Variants in VPS13B observed in about 807,000 individuals in gnomAD.
The protein encoded by VPS13B is vacuolar protein sorting 13 homolog B.
VPS13B carries 285 observed loss-of-function variants against 426.4 expected under a neutral mutation model. That is an observed-to-expected ratio of 0.67 (90% CI 0.61 to 0.74). The LOEUF is 0.74. VPS13B is among the 30% of genes least tolerant of loss of function. VPS13B has a pLI of 0.00. For synonymous variants in VPS13B, 1,676 were observed against 1,676.4 expected (o/e 1.00, Z 0.01); for missense variants, 4,537 against 4,782.6 (o/e 0.95, Z 1.51).
At chr8:99,676,791 AT>A (rs1464907715) in intron 35 of VPS13B, among the ~76,000 whole-genome samples, 1 of 152,028 alleles carries the variant, frequency 6.6e-6, no homozygotes, top group African/African-American at 2.4e-5. Context: ...TCATAATATG[AT>A]TTTTAAATGC....
At chr8:99,374,358 T>C (rs543684063) in intron 19 of VPS13B, among the ~76,000 whole-genome samples, 1 of 152,172 alleles carries the variant, frequency 6.6e-6, no homozygotes, top group African/African-American at 2.4e-5. Context: ...AAATCTAATA[T>C]TTTCATTTCA....
rs148385544 is a variant in VPS13B at position 99,659,712 on chromosome 8, T to A, written c.5909-1642T>A. On this transcript the variant is annotated intron_variant, in intron 34 of 61. Transcript: ENST00000357162. ...TTACTTGTCAGTTTTTTATACATCA[T>A]ATTAACATTTCTACATCAATTTAAT... 4.4e-3 allele frequency among the ~76,000 whole-genome samples: 666 copies of A among 152,340 alleles called. 2 individuals carry two copies. Among genetic ancestry groups the A allele is most frequent in the Non-Finnish European group, 6.2e-3 (425 of 68,010 alleles).
chr8:99,677,740 AT>A (rs113491438), intron 35 of VPS13B, among the ~76,000 whole-genome samples: 5 of 151,762 alleles, frequency 3.3e-5, no homozygotes, highest in African/African-American at 7.3e-5. Context: ...AGTCATTTAG[AT>A]TTTTTTTTAT....
chr8:99,838,185 A>C (rs187680889), intron 54 of VPS13B, among the ~76,000 whole-genome samples: 2 of 152,330 alleles, frequency 1.3e-5, no homozygotes, highest in Admixed American at 1.3e-4. Context: ...CCTAGTCAGG[A>C]GACATCTCAT....
chr8:99,467,639 G>T lies in VPS13B; in HGVS notation c.3666+5G>T. On this transcript the variant is annotated splice_donor_5th_base_variant and intron_variant, in intron 24 of 61. Transcript: ENST00000357162. ...ATAAAATGCTCTAATCCCCAGGTTG[G>T]TACATTTGATTTATGAAAGGAAATT... 1 of 1,606,950 alleles carries T rather than the reference G, an allele frequency of 6.2e-7. No homozygotes were observed. Among genetic ancestry groups the T allele is most frequent in the Non-Finnish European group, 8.5e-7 (1 of 1,179,066 alleles).
At chr8:99,119,305 A>T (rs956865544) in intron 7 of VPS13B, 1 of 152,272 alleles carries the variant, frequency 6.6e-6, no homozygotes, top group Non-Finnish European at 1.5e-5. Context: ...TGATGGCATG[A>T]TCATAGCTCA....
At chr8:99,816,958 C>T (rs1228575301) in intron 44 of VPS13B, among the ~76,000 whole-genome samples, 1 of 151,866 alleles carries the variant, frequency 6.6e-6, no homozygotes, top group Non-Finnish European at 1.5e-5. Flanking sequence ...ATCACAATTG[C>T]CCTCTCAGTT....
At chr8:99,697,349 C>A in intron 35 of VPS13B, 1 of 584,088 alleles carries the variant, frequency 1.7e-6, no homozygotes, top group Non-Finnish European at 3.1e-6. Context: ...GGCCAGGGGC[C>A]TAACCTCAGC....
intron 1 of VPS13B, among the ~76,000 whole-genome samples, 160 bp from the exon 2 acceptor site, chr8:99,013,600 A>G (rs1841435966): frequency 6.6e-6 from 1 of 152,164 alleles, no homozygotes; most frequent in African/African-American, 2.4e-5. Context: ...CTTGTGAGGA[A>G]GTCGCAGCTG....
At chr8:99,396,879 C>T (rs1588329646) in intron 21 of VPS13B, among the ~76,000 whole-genome samples, 1 of 151,658 alleles carries the variant, frequency 6.6e-6, no homozygotes, top group East Asian at 1.9e-4. Flanking sequence ...TTGATATATC[C>T]TTAAATATAT....
At chr8:99,475,068 T>G (rs1819620813) in intron 24 of VPS13B, among the ~76,000 whole-genome samples, 1 of 152,200 alleles carries the variant, frequency 6.6e-6, no homozygotes, top group South Asian at 2.1e-4. Flanking sequence ...GAAATCATTA[T>G]GCTGACTGAA....
chr8:99,868,066 T>C, intron 58 of VPS13B: 1 of 534,846 alleles, frequency 1.9e-6, no homozygotes, highest in Non-Finnish European at 3.3e-6. Context: ...AGATCCTGAC[T>C]GTGTGGACCA....
rs150719305 is a variant in VPS13B at position 99,714,033 on chromosome 8, G to A, written c.6455-3138G>A. On this transcript the variant is annotated intron_variant, in intron 36 of 61. Transcript: ENST00000357162. ...TGGGTGCCTGTAATCCAAGCTGTTC[G>A]GGAGGCTGAGGCAGGGAATCGCTGG... Among the ~76,000 whole-genome samples, 12 of 151,748 alleles carry A rather than the reference G, an allele frequency of 7.9e-5. No homozygotes were observed. The South Asian group carries it at 1.3e-3, about 16-fold the overall frequency.
chr8:99,142,303 T>C (rs1810470711), intron 12 of VPS13B, among the ~76,000 whole-genome samples: 1 of 152,206 alleles, frequency 6.6e-6, no homozygotes, highest in Non-Finnish European at 1.5e-5. Context: ...AAAATCATTT[T>C]TATCACAATA....
At chr8:99,679,047 T>A (rs1831053475) in intron 35 of VPS13B, among the ~76,000 whole-genome samples, 1 of 152,228 alleles carries the variant, frequency 6.6e-6, no homozygotes, top group African/African-American at 2.4e-5. Context: ...CTGCAATTCT[T>A]ACACCCTTTT....
intron 42 of VPS13B, among the ~76,000 whole-genome samples, chr8:99,779,989 A>G (rs1811932606): frequency 6.6e-6 from 1 of 152,228 alleles, no homozygotes; most frequent in Non-Finnish European, 1.5e-5. Flanking sequence ...TTTGTATGAG[A>G]ATAAATATTT....
chr8:99,340,597 A>G (rs894138966), intron 19 of VPS13B: 15 of 447,330 alleles, frequency 3.4e-5, no homozygotes, highest in African/African-American at 2.9e-4. Flanking sequence ...AGAGGACCTC[A>G]TTTATTTAAT....
At chr8:99,817,846 T>A (rs761889804) in intron 45 of VPS13B, 43 bp downstream of exon 45, 1 of 1,613,754 alleles carries the variant, frequency 6.2e-7, no homozygotes, top group Non-Finnish European at 8.5e-7. Context: ...GCTTTACCAT[T>A]GAAATTTTCT....
At chr8:99,659,766 A>G (rs777840003) in intron 34 of VPS13B, among the ~76,000 whole-genome samples, 2 of 152,292 alleles carry the variant, frequency 1.3e-5, no homozygotes, top group South Asian at 2.1e-4. Context: ...TGTTATTTAT[A>G]TCACTTAAGA....
Sources: allele counts gnomAD v4.1 joint callset (sites outside exome capture counted in the v4.1 genomes callset), GRCh38; gene constraint gnomAD v4.1.1; transcripts MANE v1.5; gene names NCBI Gene and HGNC (gene_info 2026-07-23, HGNC 2026-07-21).